Variants in ANKRD18A observed in about 807,000 individuals in gnomAD.
ANKRD18A encodes ankyrin repeat domain 18A, also known as ankyrin repeat domain-containing protein 18A.
ANKRD18A carries 72 observed loss-of-function variants against 110.6 expected under a neutral mutation model. The ratio of observed to expected loss-of-function variants is 0.65; its 90% CI spans 0.54 to 0.79. The LOEUF (loss-of-function observed/expected upper bound fraction) is 0.79. Ranked by LOEUF, ANKRD18A falls within the 30% of genes least tolerant of loss-of-function variation. The pLI is 0.00. For synonymous variants in ANKRD18A, 305 were observed against 410.3 expected (o/e 0.74, Z 3.10); for missense variants, 934 against 1,163.3 (o/e 0.80, Z 2.87).
intron 3 of ANKRD18A, among the ~76,000 whole-genome samples, chr9:38,613,818 C>A (rs1825741438): frequency 6.6e-6 from 1 of 152,142 alleles, no homozygotes; most frequent in African/African-American, 2.4e-5. Flanking sequence ...TTGAGAAAAT[C>A]TCACTTGTAA....
chr9:38,566,414 T>C (rs1404764012), downstream of ANKRD18A: 2 of 152,220 alleles, frequency 1.3e-5, no homozygotes, highest in African/African-American at 2.4e-5. Flanking sequence ...AAGCTTCTTA[T>C]TTCTATCTGA....
intron 12 of ANKRD18A, among the ~76,000 whole-genome samples, chr9:38,583,215 C>T (rs1295911407): frequency 1.3e-5 from 2 of 152,084 alleles, no homozygotes; most frequent in East Asian, 1.9e-4. Flanking sequence ...CCAATGCTGC[C>T]GGGGATGTAA....
At position 38,581,639 on chromosome 9, in the gene ANKRD18A, A is replaced by C. The variant is rs535168168; in HGVS notation, c.2248-3491T>G. ...AGTAAAATAAACACAGCATACTTTG[A>C]GTGTTAAGACATCAAATGCATTTTC... On this transcript the variant is annotated intron_variant, in intron 12 of 15. Coordinates refer to ENST00000399703, the MANE Select transcript of ANKRD18A (RefSeq NM_147195.4). Among the ~76,000 whole-genome samples the C allele has an allele frequency of 1.4e-4, 21 of 152,304 alleles. No homozygotes were observed. In the South Asian group the frequency reaches 4.4e-3, roughly 32 times the overall value.
At chr9:38,617,921 T>C (rs550397322) in intron 1 of ANKRD18A, among the ~76,000 whole-genome samples, 1 of 152,314 alleles carries the variant, frequency 6.6e-6, no homozygotes, top group African/African-American at 2.4e-5. Flanking sequence ...TAATAATATT[T>C]GCTATTTGTT....
At chr9:38,579,386 ATT>A (rs370529215) in intron 12 of ANKRD18A, among the ~76,000 whole-genome samples, 117 of 152,320 alleles carry the variant, frequency 7.7e-4, no homozygotes, top group African/African-American at 2.6e-3. Context: ...GGAAGAAAAC[ATT>A]TTCAAGCAAT....
chr9:38,613,059 G>A (rs922170317), intron 3 of ANKRD18A, among the ~76,000 whole-genome samples: 1 of 152,014 alleles, frequency 6.6e-6, no homozygotes, highest in Admixed American at 6.6e-5. Context: ...AATATATGCT[G>A]TCTTGAAAAC....
intron 14 of ANKRD18A, 119 bp downstream of exon 14, chr9:38,576,934 C>G: frequency 1.2e-6 from 1 of 822,534 alleles, no homozygotes; most frequent in Non-Finnish European, 1.9e-6. Flanking sequence ...TCCAAAATTA[C>G]ATTATCAAAT....
intron 3 of ANKRD18A, among the ~76,000 whole-genome samples, chr9:38,612,385 A>AT (rs1175026146): frequency 8.6e-5 from 13 of 151,480 alleles, no homozygotes; most frequent in East Asian, 5.8e-4. Context: ...ATTTAACATT[A>AT]TTTTTTTTAC....
intron 9 of ANKRD18A, among the ~76,000 whole-genome samples, chr9:38,594,774 A>G (rs189719033): frequency 2.6e-4 from 39 of 152,344 alleles, no homozygotes; most frequent in African/African-American, 8.7e-4. Flanking sequence ...GTTCATCTGG[A>G]AAATCTAGAA....
chr9:38,571,047 C>G (rs1216339766), downstream of ANKRD18A: 4 of 1,407,960 alleles, frequency 2.8e-6, no homozygotes, highest in Non-Finnish European at 2.8e-6. Flanking sequence ...AATCAAGAAC[C>G]CTTGAGGCTG....
chr9:38,613,135 G>A (rs1448051293), intron 3 of ANKRD18A, among the ~76,000 whole-genome samples: 2 of 152,018 alleles, frequency 1.3e-5, no homozygotes, highest in African/African-American at 4.8e-5. Flanking sequence ...TAAGGATGAA[G>A]GAGGTTACCT....
Position 38,595,597 on chromosome 9 carries a change from A to T in ANKRD18A, c.1743T>A (p.Leu581=), listed in dbSNP as rs1292266840. The T allele has an allele frequency of 1.3e-6, 2 of 1,550,248 alleles. No homozygotes were observed. The highest frequency in any genetic ancestry group is 2.7e-5 in the African/African-American group (2 of 72,886). The stretch of plus-strand genomic sequence containing the variant: ...CTAGAAGATCTTCCTTTCCATTCTC[A>T]AGACAGTCTCTGTGGATATTAATGA... ...EIVINIHRDC[L]ENGKEDLLEE... is the part of the protein sequence containing the mutation. The change falls in exon 9 of 16, where the codon CTT becomes CTA. Residue 581 remains leucine (L), a synonymous_variant. Transcript: ENST00000399703.
At position 38,572,126 on chromosome 9, in the gene ANKRD18A, A is replaced by C. The variant is rs1477952376; in HGVS notation, c.2965-67T>G. 1.3e-5 allele frequency: 16 copies of C among 1,271,560 alleles called. No homozygotes were observed. The East Asian group carries it at 2.8e-4, about 22-fold the overall frequency. The allele number at this position is 1,271,560 out of a possible 1,614,324, so 78.8% of individuals were successfully genotyped here. Reference sequence around the variant, plus strand: ...TTTCAGTTAACGAAGTGTAAGTTTAAAATGTGGAGTTGAGAACGTTATCAG... The same window carrying C: ...TTTCAGTTAACGAAGTGTAAGTTTACAATGTGGAGTTGAGAACGTTATCAG... On this transcript the variant is annotated intron_variant, in intron 15 of 15. Coordinates refer to ENST00000399703, the MANE Select transcript of ANKRD18A (RefSeq NM_147195.4).
chr9:38,594,530 A>T (rs184674474), intron 9 of ANKRD18A, among the ~76,000 whole-genome samples: 1,922 of 152,310 alleles, frequency 0.013, 41 homozygotes, highest in African/African-American at 0.042. Context: ...CAGTGGAAAC[A>T]TTACATCAAA....
At chr9:38,592,414 C>A (rs1824690709) in intron 10 of ANKRD18A, among the ~76,000 whole-genome samples, 1 of 152,252 alleles carries the variant, frequency 6.6e-6, no homozygotes, top group South Asian at 2.1e-4. Context: ...GCAACAAGTG[C>A]TGAGATGTAA....
At chr9:38,609,763 G>T (rs1176184444) in intron 5 of ANKRD18A, among the ~76,000 whole-genome samples, 1 of 151,994 alleles carries the variant, frequency 6.6e-6, no homozygotes, top group Non-Finnish European at 1.5e-5. Flanking sequence ...TTCAAAGGAG[G>T]AAGGCATAGG....
Position 38,571,797 on chromosome 9 carries a change from T to C in ANKRD18A, c.*248A>G, listed in dbSNP as rs566063973. ...AGATCCACTTAAAACTTAAGGAGGC[T>C]AAAAAACATCATTTAAAATAACATA... On this transcript the variant is annotated 3_prime_UTR_variant, in exon 16 of 16. Coordinates refer to ENST00000399703, the MANE Select transcript of ANKRD18A (RefSeq NM_147195.4). 3.7e-5 allele frequency: 42 copies of C among 1,142,232 alleles called. No individual in the cohort carries two copies. Among genetic ancestry groups the C allele is most frequent in the Middle Eastern group, 3.8e-4 (1 of 2,656 alleles). 70.8% of individuals were successfully genotyped at this position (1,142,232 alleles called of 1,614,324 possible).
intron 1 of ANKRD18A, among the ~76,000 whole-genome samples, chr9:38,616,493 C>A (rs1222718846): frequency 4.6e-5 from 7 of 152,248 alleles, no homozygotes; most frequent in Non-Finnish European, 8.8e-5. Flanking sequence ...TGCTCTGTTG[C>A]CCAGGCTGGA....
At chr9:38,611,799 CTGT>C (rs1233291295) in intron 3 of ANKRD18A, among the ~76,000 whole-genome samples, 201 of 152,306 alleles carry the variant, frequency 1.3e-3, no homozygotes, top group African/African-American at 4.6e-3. Context: ...ACCGAAAGAA[CTGT>C]ACCCCAACAA....
Sources: gnomAD v4.1 joint callset for allele counts (sites outside exome capture counted in the v4.1 genomes callset) on GRCh38, gnomAD v4.1.1 for gene constraint, MANE v1.5 for transcripts, NCBI Gene and HGNC (gene_info 2026-07-23, HGNC 2026-07-21) for gene names.